The following PLCL2 variants were observed in gnomAD, a reference collection of about 807,000 sequenced individuals.
PLCL2 encodes the protein phospholipase C like 2, also known as inactive phospholipase C-like protein 2.
A neutral mutation model predicts 79.6 loss-of-function variants in PLCL2; 4 were observed. That is an observed-to-expected ratio of 0.05 (90% CI 0.02 to 0.11). The LOEUF is 0.11. Among genes scored for constraint, PLCL2 ranks in the 10% least tolerant of loss-of-function variants. The pLI is 1.00. For missense variants in PLCL2, 895 were observed against 1,291.0 expected, an observed-to-expected ratio of 0.69 and a Z score of 4.70; for synonymous variants, 484 against 457.7, an observed-to-expected ratio of 1.06 and a Z score of -0.73.
intron 1 of PLCL2, among the ~76,000 whole-genome samples, chr3:17,001,634 G>C (rs2064212387): frequency 6.6e-6 from 1 of 151,982 alleles, no homozygotes; most frequent in Non-Finnish European, 1.5e-5. Context: ...GTATGTTCTT[G>C]GTGCCTTTGT....
chr3:16,980,159 T>C, intron 1 of PLCL2, among the ~76,000 whole-genome samples: 1 of 126,754 alleles, frequency 7.9e-6, no homozygotes. Context: ...CCCCCTCACC[T>C]CCCTCCTGGA....
At chr3:17,085,172 T>C (rs2065204436) in intron 5 of PLCL2, among the ~76,000 whole-genome samples, 1 of 152,152 alleles carries the variant, frequency 6.6e-6, no homozygotes, top group Non-Finnish European at 1.5e-5. Flanking sequence ...TCTCACTCTG[T>C]CACCCAGGCT....
intron 1 of PLCL2, among the ~76,000 whole-genome samples, chr3:16,976,257 G>A (rs1331353594): frequency 1.3e-5 from 2 of 152,082 alleles, no homozygotes; most frequent in Admixed American, 1.3e-4. Context: ...GGGGAACATG[G>A]AAAAATTTTT....
chr3:17,078,729 A>G (rs2065132692), intron 5 of PLCL2, among the ~76,000 whole-genome samples: 1 of 152,204 alleles, frequency 6.6e-6, no homozygotes, highest in African/African-American at 2.4e-5. Flanking sequence ...CCTGAGGTAC[A>G]GTGCTTATCT....
chr3:17,025,269 A>C (rs2064504146), intron 3 of PLCL2, among the ~76,000 whole-genome samples: 2 of 152,202 alleles, frequency 1.3e-5, no homozygotes, highest in Non-Finnish European at 2.9e-5. Context: ...TTCTTCAGGA[A>C]TTAATTCAAT....
At chr3:17,071,425 A>G (rs374766383) in intron 5 of PLCL2, among the ~76,000 whole-genome samples, 1 of 152,200 alleles carries the variant, frequency 6.6e-6, no homozygotes, top group Non-Finnish European at 1.5e-5. Flanking sequence ...ACATCTTGGC[A>G]TACTTACTTC....
At chr3:16,926,835 T>C (rs1697265788) in intron 1 of PLCL2, among the ~76,000 whole-genome samples, 2 of 152,044 alleles carry the variant, frequency 1.3e-5, no homozygotes, top group South Asian at 4.1e-4. Context: ...TTCACTGTGT[T>C]AGCCAGGATG....
intron 1 of PLCL2, among the ~76,000 whole-genome samples, chr3:16,889,020 C>T (rs1696286873): frequency 6.6e-6 from 1 of 152,190 alleles, no homozygotes; most frequent in Admixed American, 6.5e-5. Flanking sequence ...ATCTTTCGCT[C>T]CCCTCATCCC....
intron 4 of PLCL2, among the ~76,000 whole-genome samples, chr3:17,047,289 C>T (rs1381554460): frequency 6.6e-6 from 1 of 152,204 alleles, no homozygotes; most frequent in Non-Finnish European, 1.5e-5. Flanking sequence ...GTTGCAGAGG[C>T]GCAAAGAGCC....
chr3:16,913,366 T>C (rs1229528047), intron 1 of PLCL2, among the ~76,000 whole-genome samples: 1 of 151,428 alleles, frequency 6.6e-6, no homozygotes, highest in Non-Finnish European at 1.5e-5. Flanking sequence ...GTATCTTTTA[T>C]CTAGTAAGAC....
chr3:16,966,082 C>G lies in PLCL2; in HGVS notation c.328-43592C>G, dbSNP rs972554397. 5.6e-3 allele frequency among the ~76,000 whole-genome samples: 846 copies of G among 152,026 alleles called. 10 individuals carry two copies. Among genetic ancestry groups the G allele is most frequent in the Non-Finnish European group, 4.0e-3 (270 of 67,942 alleles). On this transcript the variant is annotated intron_variant, in intron 1 of 5. Coordinates refer to ENST00000615277, the MANE Select transcript of PLCL2 (RefSeq NM_001144382.2). ...GAATAGGAGTGGTGAGAGAGGGCAT[C>G]CCTGTCTTGTGCCAGTTTTCAAAGG...
At chr3:17,061,060 T>G (rs2064947762) in intron 4 of PLCL2, among the ~76,000 whole-genome samples, 1 of 152,230 alleles carries the variant, frequency 6.6e-6, no homozygotes, top group South Asian at 2.1e-4. Context: ...TTTTTAAAAC[T>G]ATATTTGCTT....
intron 1 of PLCL2, among the ~76,000 whole-genome samples, chr3:16,893,907 C>T (rs571551146): frequency 3.3e-5 from 5 of 152,302 alleles, no homozygotes; most frequent in African/African-American, 9.6e-5. Flanking sequence ...GTGTCTCTCT[C>T]TCAGAGACTG....
intron 3 of PLCL2, among the ~76,000 whole-genome samples, chr3:17,031,929 C>CTTT (rs35640259): frequency 1.6e-4 from 17 of 109,038 alleles, no homozygotes; most frequent in African/African-American, 6.0e-4. Flanking sequence ...CAATTTTCAC[C>CTTT]TTTTTTTTTT....
intron 1 of PLCL2, among the ~76,000 whole-genome samples, chr3:16,959,689 G>A (rs2063737959): frequency 2.0e-5 from 3 of 152,212 alleles, no homozygotes; most frequent in East Asian, 1.9e-4. Context: ...CTTCCTCATT[G>A]TGGTCCTATC....
At chr3:16,981,794 G>T (rs1465248849) in intron 1 of PLCL2, among the ~76,000 whole-genome samples, 1 of 152,154 alleles carries the variant, frequency 6.6e-6, no homozygotes, top group Non-Finnish European at 1.5e-5. Flanking sequence ...GTTTAATTTT[G>T]CTGGGTAGTA....
chr3:17,036,316 A>C (rs766757818), intron 3 of PLCL2, among the ~76,000 whole-genome samples: 1 of 152,202 alleles, frequency 6.6e-6, no homozygotes, highest in Non-Finnish European at 1.5e-5. Context: ...ATTATGTTCA[A>C]GTATTTAAAA....
chr3:17,010,184 G>C lies in PLCL2; in HGVS notation c.838G>C (p.Asp280His). 1 of 1,613,898 alleles carries C rather than the reference G, an allele frequency of 6.2e-7. No homozygotes were observed. Among genetic ancestry groups the C allele is most frequent in the Non-Finnish European group, 8.5e-7 (1 of 1,179,802 alleles). Reference protein sequence around the residue: ...SWVSQMFSEIDVDNLGHITLC... With the variant: ...SWVSQMFSEIHVDNLGHITLC... ...GGTTTCACAAATGTTTAGTGAAATT[G>C]ATGTAGATAACCTTGGACATATAAC... Residue 280 changes from aspartate (D) to histidine (H), a missense_variant, in exon 2 of 6, where the codon GAT becomes CAT. Asp to His is a moderately conservative substitution (Grantham distance 81, BLOSUM62 -1). Around this residue, in one of 6 missense-constraint regions of PLCL2, gnomAD observed 93 missense variants for 93.2 expected, o/e 1.00. Transcript: ENST00000615277. This position sits in a 1 kb window ranked among gnomAD's most constrained non-coding sequence, Gnocchi z 5.8.
chr3:16,937,315 C>T (rs1476435515), intron 1 of PLCL2, among the ~76,000 whole-genome samples: 1 of 152,162 alleles, frequency 6.6e-6, no homozygotes, highest in Non-Finnish European at 1.5e-5. Context: ...CATTCCAAGG[C>T]ACTAACTAAA....
Sources: gnomAD v4.1 joint callset for allele counts (sites outside exome capture counted in the v4.1 genomes callset) on GRCh38, gnomAD v4.1.1 for gene constraint, gnomAD v4.1.1 regional missense constraint, Gnocchi (gnomAD v3.1) non-coding constraint, MANE v1.5 for transcripts, NCBI Gene and HGNC (gene_info 2026-07-23, HGNC 2026-07-21) for gene names.